Variants in THSD7B observed in about 807,000 individuals in gnomAD.
The protein encoded by THSD7B is thrombospondin type-1 domain-containing protein 7B.
A neutral mutation model predicts 213.6 loss-of-function variants in THSD7B; 138 were observed. That is an observed-to-expected ratio of 0.65 (90% CI 0.56 to 0.74). The LOEUF is 0.74. THSD7B is among the 30% of genes least tolerant of loss of function. The pLI, the probability that THSD7B is intolerant of heterozygous loss-of-function variation, is 0.00. For synonymous variants in THSD7B, 742 were observed against 687.0 expected (o/e 1.08, Z -1.25); for missense variants, 1,931 against 1,991.5 (o/e 0.97, Z 0.58).
At chr2:137,049,649 T>G (rs1687032752) in intron 2 of THSD7B, among the ~76,000 whole-genome samples, 1 of 152,192 alleles carries the variant, frequency 6.6e-6, no homozygotes, top group African/African-American at 2.4e-5. Context: ...TCTTGCTGGA[T>G]GTACTTGAGC....
intron 16 of THSD7B, among the ~76,000 whole-genome samples, chr2:137,566,164 C>T (rs543264294): frequency 6.6e-6 from 1 of 152,206 alleles, no homozygotes; most frequent in East Asian, 1.9e-4. Flanking sequence ...ATTATTAAAT[C>T]AAAAATACTT....
chr2:137,266,158 C>T lies in THSD7B; in HGVS notation c.2267-6375C>T, dbSNP rs116244119. On this transcript the variant is annotated intron_variant, in intron 10 of 27. Coordinates refer to ENST00000409968, the MANE Select transcript of THSD7B (RefSeq NM_001316349.2). ...ATCTTTCTTTTCTTTCTTGAACTGA[C>T]GTGCTAGAGAAAATTCCTTGCATCT... Among the ~76,000 whole-genome samples, 453 of 152,256 alleles carry T rather than the reference C, an allele frequency of 3.0e-3. 4 individuals are homozygous for T. The highest frequency in any genetic ancestry group is 0.01 in the African/African-American group (430 of 41,550).
chr2:137,510,868 G>T (rs996693500), intron 15 of THSD7B, among the ~76,000 whole-genome samples: 1 of 152,040 alleles, frequency 6.6e-6, no homozygotes, highest in Non-Finnish European at 1.5e-5. Context: ...ATACTATTCG[G>T]GGTTTGTTGA....
intron 3 of THSD7B, among the ~76,000 whole-genome samples, chr2:137,076,484 C>G (rs111841778): frequency 0.012 from 1,829 of 152,350 alleles, 22 homozygotes; most frequent in Middle Eastern, 0.024. Flanking sequence ...CAGGTGCCAT[C>G]TGTCACCCCT....
At chr2:136,868,143 T>C (rs1024405008) in intron 1 of THSD7B, among the ~76,000 whole-genome samples, 1 of 143,320 alleles carries the variant, frequency 7.0e-6, no homozygotes, top group Admixed American at 6.8e-5. Context: ...CACACACACA[T>C]CCTTGAAGAT....
chr2:137,533,401 G>A (rs1309983820), intron 15 of THSD7B, among the ~76,000 whole-genome samples: 1 of 151,776 alleles, frequency 6.6e-6, no homozygotes, highest in Non-Finnish European at 1.5e-5. Flanking sequence ...TTAGGTTTCA[G>A]ACTCACCTAA....
chr2:137,625,018 A>G (rs1682595973), intron 20 of THSD7B, among the ~76,000 whole-genome samples: 1 of 152,142 alleles, frequency 6.6e-6, no homozygotes, highest in Non-Finnish European at 1.5e-5. Context: ...ATAAAGACAC[A>G]TGCACATGTA....
intron 17 of THSD7B, among the ~76,000 whole-genome samples, chr2:137,586,103 C>T (rs888651236): frequency 1.6e-4 from 24 of 152,056 alleles, no homozygotes; most frequent in Admixed American, 3.9e-4. Context: ...CCTTCTTTGT[C>T]TCTTTTGATC....
intron 15 of THSD7B, among the ~76,000 whole-genome samples, chr2:137,533,808 T>C (rs1199455863): frequency 6.6e-6 from 1 of 151,910 alleles, no homozygotes; most frequent in East Asian, 1.9e-4. Context: ...AACCAGCAAT[T>C]TGCCTCTGAA....
chr2:137,343,816 G>A, intron 12 of THSD7B, among the ~76,000 whole-genome samples: 1 of 151,228 alleles, frequency 6.6e-6, no homozygotes, highest in Admixed American at 6.6e-5. Flanking sequence ...TCTTAAAAAT[G>A]GTAGAAAATA....
At position 137,298,669 on chromosome 2, in the gene THSD7B, C is replaced by G. The variant is rs145142466; in HGVS notation, c.2500+22643C>G. On this transcript the variant is annotated intron_variant, in intron 12 of 27. Coordinates refer to ENST00000409968, the MANE Select transcript of THSD7B (RefSeq NM_001316349.2). ...CTTAGTGCCCTGTGTCCCAGCCACT[C>G]CAGTCATGGCTGAAAGGAGCCAATG... Among the ~76,000 whole-genome samples the G allele has an allele frequency of 2.4e-3, 369 of 152,232 alleles. 3 individuals are homozygous for G. Among genetic ancestry groups the G allele is most frequent in the African/African-American group, 8.6e-3 (356 of 41,572 alleles).
At chr2:137,671,080 T>G (rs1221604269) in intron 27 of THSD7B, among the ~76,000 whole-genome samples, 1 of 152,154 alleles carries the variant, frequency 6.6e-6, no homozygotes, top group East Asian at 1.9e-4. Context: ...TCAGGTTTAG[T>G]ATATTCATTT....
At chr2:137,675,167 G>A (rs1270481496) in intron 27 of THSD7B, among the ~76,000 whole-genome samples, 1 of 152,012 alleles carries the variant, frequency 6.6e-6, no homozygotes, top group African/African-American at 2.4e-5. Context: ...ACCAGGGGCT[G>A]AGAGCAGGGT....
chr2:137,059,914 T>C (rs1323363354), intron 3 of THSD7B, among the ~76,000 whole-genome samples: 2 of 152,184 alleles, frequency 1.3e-5, no homozygotes, highest in South Asian at 2.1e-4. Context: ...CTGTATGGTA[T>C]AGCAAGAGTA....
chr2:137,210,622 A>G (rs1203449485), intron 7 of THSD7B, among the ~76,000 whole-genome samples: 1 of 152,038 alleles, frequency 6.6e-6, no homozygotes, highest in Non-Finnish European at 1.5e-5. Context: ...AGAATTTTGT[A>G]GGAAATTACT....
chr2:136,857,539 A>T (rs540666012), intron 1 of THSD7B, among the ~76,000 whole-genome samples: 2 of 152,200 alleles, frequency 1.3e-5, no homozygotes, highest in Non-Finnish European at 2.9e-5. Flanking sequence ...ATCTTATTCA[A>T]TGTCTATAAT....
intron 15 of THSD7B, among the ~76,000 whole-genome samples, chr2:137,508,855 A>G (rs1679897668): frequency 6.6e-6 from 1 of 152,070 alleles, no homozygotes; most frequent in Admixed American, 6.5e-5. Context: ...CAGTGTGGTC[A>G]GAGGAGAGAC....
intron 7 of THSD7B, among the ~76,000 whole-genome samples, chr2:137,211,166 A>G (rs1681094354): frequency 6.6e-6 from 1 of 152,006 alleles, no homozygotes; most frequent in South Asian, 2.1e-4. Flanking sequence ...TGGCTTCGGA[A>G]ATGAGATTTG....
At chr2:137,306,732 T>G (rs1446482771) in intron 12 of THSD7B, among the ~76,000 whole-genome samples, 1 of 152,242 alleles carries the variant, frequency 6.6e-6, no homozygotes, top group East Asian at 1.9e-4. Flanking sequence ...GAGTTTTCTG[T>G]TTTTGTTTAT....
Sources: allele counts gnomAD v4.1 joint callset (sites outside exome capture counted in the v4.1 genomes callset), GRCh38; gene constraint gnomAD v4.1.1; transcripts MANE v1.5; gene names NCBI Gene and HGNC (gene_info 2026-07-23, HGNC 2026-07-21).